CLIC2: variants seen among roughly 807,000 people sequenced by gnomAD.
CLIC2 encodes CLIC family member 2, also known as chloride intracellular channel protein 2.
In CLIC2, 9 loss-of-function variants were observed where a neutral mutation model predicts 14.8. That is an observed-to-expected ratio of 0.61 (90% CI 0.37 to 1.06). The LOEUF (loss-of-function observed/expected upper bound fraction) is 1.06, where lower values mean the gene tolerates loss of function less well. Among genes scored for constraint, CLIC2 ranks in the 50% least tolerant of loss-of-function variants. CLIC2 has a pLI of 0.01. For synonymous variants in CLIC2, 61 were observed against 66.3 expected (o/e 0.92, Z 0.39); for missense variants, 148 against 181.4 (o/e 0.82, Z 1.06).
chrX:155,290,450 A>G (rs2074960357), intron 3 of CLIC2: 1 of 510,786 alleles, frequency 2.0e-6, no homozygotes, highest in African/African-American at 2.3e-5. Flanking sequence ...TCTTCTTCAC[A>G]AAGGAAGTCT....
chrX:155,315,997 T>C (rs947038255), intron 1 of CLIC2, among the ~76,000 whole-genome samples: 2 of 111,171 alleles, frequency 1.8e-5, no homozygotes, highest in African/African-American at 6.5e-5. Flanking sequence ...TTTAAAGCAA[T>C]AGCAGTTAAA....
intron 3 of CLIC2, among the ~76,000 whole-genome samples, chrX:155,284,549 G>A (rs188559084): frequency 1.8e-5 from 2 of 111,568 alleles, no homozygotes; most frequent in South Asian, 3.7e-4. Context: ...ATGAGCCACC[G>A]CGCCTGGCCC....
At chrX:155,291,244 G>A in intron 3 of CLIC2, 1 of 957,202 alleles carries the variant, frequency 1.0e-6, no homozygotes, top group Non-Finnish European at 1.5e-6. Flanking sequence ...GAATCTGAAG[G>A]CTGACTATAT....
At chrX:155,296,774 G>T (rs1557318386) in intron 3 of CLIC2, among the ~76,000 whole-genome samples, 1 of 97,594 alleles carries the variant, frequency 1.0e-5, no homozygotes, top group African/African-American at 3.6e-5. Context: ...TCTCACCTCA[G>T]TCAGAATTGC....
At chrX:155,314,266 G>A (rs1237359691) in intron 1 of CLIC2, among the ~76,000 whole-genome samples, 1 of 111,599 alleles carries the variant, frequency 9.0e-6, no homozygotes, top group Non-Finnish European at 1.9e-5. Context: ...CCTGGCTGGA[G>A]GCCAACCAAT....
intron 3 of CLIC2, 59 bp from the exon 4 acceptor site, chrX:155,280,127 C>T (rs1199983106): frequency 2.5e-6 from 2 of 793,372 alleles, no homozygotes; most frequent in Non-Finnish European, 3.9e-6. Flanking sequence ...GACCAGGTGC[C>T]CTAGCTTGCA....
At chrX:155,307,154 G>A (rs1289494387) in intron 1 of CLIC2, among the ~76,000 whole-genome samples, 2 of 111,166 alleles carry the variant, frequency 1.8e-5, no homozygotes, top group African/African-American at 6.6e-5. Flanking sequence ...TTAACTCTCA[G>A]TTTTAAACAG....
intron 3 of CLIC2, among the ~76,000 whole-genome samples, chrX:155,293,818 C>G (rs1302238488): frequency 5.4e-5 from 6 of 111,325 alleles, no homozygotes; most frequent in African/African-American, 2.0e-4. Context: ...AGGACTAAAA[C>G]TATCATTATA....
chrX:155,333,031 C>T (rs1342735270), intron 1 of CLIC2, among the ~76,000 whole-genome samples: 7 of 111,949 alleles, frequency 6.3e-5, no homozygotes, highest in Admixed American at 5.7e-4. Context: ...CTCTTATGCC[C>T]GATAGTTTAG....
rs2074912366 is a variant in CLIC2, at chrX:155,279,870, A to G, written c.400+92T>C. The G allele has an allele frequency of 6.5e-6, 4 of 619,405 alleles. No homozygotes were observed. The East Asian group carries it at 1.4e-4, about 22-fold the overall frequency. The allele number at this position is 619,405 out of a possible 1,213,427, so 51.0% of individuals were successfully genotyped here. On this transcript the variant is annotated intron_variant, in intron 4 of 5. Coordinates refer to ENST00000369449, the MANE Select transcript of CLIC2 (RefSeq NM_001289.6). Reference sequence around the variant, plus strand: ...GAGGGGAAGACTAGGCCAGTCCCCAAAATATACTATATATTCAGGAAAATT... The same window carrying G: ...GAGGGGAAGACTAGGCCAGTCCCCAGAATATACTATATATTCAGGAAAATT...
At chrX:155,297,168 A>G (rs1199145737) in intron 3 of CLIC2, among the ~76,000 whole-genome samples, 1 of 112,027 alleles carries the variant, frequency 8.9e-6, no homozygotes, top group Non-Finnish European at 1.9e-5. Context: ...AACAACATGG[A>G]TGGAACTGGA....
At chrX:155,290,682 G>A (rs1327293701) in intron 3 of CLIC2, 2 of 969,560 alleles carry the variant, frequency 2.1e-6, no homozygotes, top group Admixed American at 4.4e-5. Flanking sequence ...ATGGTAACGA[G>A]CTGAATCCTT....
At chrX:155,297,282 G>A (rs1011938905) in intron 3 of CLIC2, among the ~76,000 whole-genome samples, 2 of 110,849 alleles carry the variant, frequency 1.8e-5, no homozygotes, top group East Asian at 5.7e-4. Context: ...GATAGAGAAT[G>A]GAAAGAGAGA....
chrX:155,279,074 T>C, intron 5 of CLIC2, 75 bp downstream of exon 5: 3 of 797,398 alleles, frequency 3.8e-6, no homozygotes, highest in Non-Finnish European at 5.8e-6. Context: ...AATACCGCAC[T>C]GGAAGGTCAC....
intron 1 of CLIC2, 50 bp from the exon 2 acceptor site, chrX:155,299,195 G>GTATT: frequency 1.0e-6 from 1 of 984,502 alleles, no homozygotes; most frequent in Admixed American, 2.2e-5. Flanking sequence ...CAATAAGTAT[G>GTATT]TATTTAGTTC....
Position 155,278,963 on chromosome X carries a change from A to C in CLIC2, c.582+186T>G, listed in dbSNP as rs782578537. ...AAGAAAAAAAAAGAAACAAGTTTTA[A>C]TACTTCCCAGAAGAGAACATTATGG... On this transcript the variant is annotated intron_variant, in intron 5 of 5. Coordinates refer to ENST00000369449, the MANE Select transcript of CLIC2 (RefSeq NM_001289.6). 8.8e-6 allele frequency: 4 copies of C among 455,155 alleles called. No homozygotes were observed. The South Asian group carries it at 1.4e-4, about 16-fold the overall frequency. 37.5% of individuals were successfully genotyped at this position (455,155 alleles called of 1,213,427 possible). A position where few individuals can be genotyped will look rare whatever the true frequency, so the allele number is the denominator to read the frequency against.
At chrX:155,296,590 T>C (rs2074992909) in intron 3 of CLIC2, among the ~76,000 whole-genome samples, 1 of 111,030 alleles carries the variant, frequency 9.0e-6, no homozygotes, top group Non-Finnish European at 1.9e-5. Context: ...GAGGAAATGT[T>C]TGCAAACTTC....
intron 3 of CLIC2, among the ~76,000 whole-genome samples, chrX:155,283,292 C>T (rs193277158): frequency 1.1e-4 from 12 of 112,124 alleles, no homozygotes; most frequent in Non-Finnish European, 2.1e-4. Context: ...AAACTTCAGT[C>T]CTTCACTATT....
chrX:155,334,014 G>C (rs1465302446), intron 1 of CLIC2, among the ~76,000 whole-genome samples: 1 of 110,847 alleles, frequency 9.0e-6, no homozygotes, highest in Non-Finnish European at 1.9e-5. Flanking sequence ...AAGCCCTTAA[G>C]GATCATCTTG....
Sources: gnomAD v4.1 joint callset for allele counts (sites outside exome capture counted in the v4.1 genomes callset) on GRCh38, gnomAD v4.1.1 for gene constraint, MANE v1.5 for transcripts, NCBI Gene and HGNC (gene_info 2026-07-23, HGNC 2026-07-21) for gene names.